ATP8B4: variants seen among roughly 807,000 people sequenced by gnomAD.
The protein encoded by ATP8B4 is probable phospholipid-transporting ATPase IM.
In ATP8B4, 133 loss-of-function variants were observed where a neutral mutation model predicts 145.6. The ratio of observed to expected loss-of-function variants is 0.91; its 90% CI spans 0.79 to 1.05. The LOEUF is 1.05. Ranked by LOEUF, ATP8B4 falls within the 50% of genes least tolerant of loss-of-function variation. ATP8B4 has a pLI of 0.00. For missense variants in ATP8B4, 1,458 were observed against 1,425.2 expected (o/e 1.02, Z -0.37); for synonymous variants, 507 against 492.9 (o/e 1.03, Z -0.38).
chr15:50,149,852 GA>G (rs1310550471), intron 1 of ATP8B4, among the ~76,000 whole-genome samples: 4 of 152,310 alleles, frequency 2.6e-5, no homozygotes, highest in Admixed American at 2.6e-4. Flanking sequence ...TGTAATCCCA[GA>G]ACTTTCAGAG....
chr15:50,021,126 AG>A (rs2049521993), intron 6 of ATP8B4, among the ~76,000 whole-genome samples: 1 of 119,804 alleles, frequency 8.3e-6, no homozygotes, highest in African/African-American at 3.3e-5. Flanking sequence ...TATGATAGAT[AG>A]ATAGATAGAT....
intron 13 of ATP8B4, among the ~76,000 whole-genome samples, chr15:49,966,463 G>A (rs1192839725): frequency 3.9e-5 from 6 of 152,196 alleles, no homozygotes; most frequent in African/African-American, 9.6e-5. Context: ...ACGGAGGCTT[G>A]AGTAGGCAGT....
intron 1 of ATP8B4, among the ~76,000 whole-genome samples, chr15:50,116,144 A>G (rs889485936): frequency 2.6e-5 from 4 of 152,206 alleles, no homozygotes; most frequent in Non-Finnish European, 5.9e-5. Flanking sequence ...TGGGCCAGAC[A>G]TGGTGGCTCA....
chr15:50,035,875 C>A (rs1339129644), intron 6 of ATP8B4, among the ~76,000 whole-genome samples: 1 of 152,126 alleles, frequency 6.6e-6, no homozygotes, highest in Non-Finnish European at 1.5e-5. Flanking sequence ...GTTTGAAGAC[C>A]CTAAGTCCAA....
At chr15:49,961,855 G>A in intron 14 of ATP8B4, 122 bp downstream of exon 14, 1 of 761,934 alleles carries the variant, frequency 1.3e-6, no homozygotes, top group South Asian at 2.0e-5. Flanking sequence ...ATTTTTTAAT[G>A]CTATGCATTA....
intron 7 of ATP8B4, among the ~76,000 whole-genome samples, chr15:50,010,440 T>A (rs952653549): frequency 6.6e-6 from 1 of 151,754 alleles, no homozygotes; most frequent in Non-Finnish European, 1.5e-5. Context: ...CTCTAGCTTA[T>A]TTTTTTTCAA....
chr15:50,167,014 G>C (rs1198987216), intron 1 of ATP8B4, among the ~76,000 whole-genome samples: 2 of 152,138 alleles, frequency 1.3e-5, no homozygotes, highest in African/African-American at 4.8e-5. Flanking sequence ...TTAATTCCCA[G>C]ATCACAATTT....
At chr15:50,118,720 T>C (rs539714262) in intron 1 of ATP8B4, among the ~76,000 whole-genome samples, 2 of 152,264 alleles carry the variant, frequency 1.3e-5, no homozygotes, top group South Asian at 2.1e-4. Context: ...AAAGCATAAA[T>C]TGACCATAAA....
At chr15:50,162,833 C>G (rs182946320) in intron 1 of ATP8B4, among the ~76,000 whole-genome samples, 1 of 152,228 alleles carries the variant, frequency 6.6e-6, no homozygotes, top group Admixed American at 6.5e-5. Context: ...CTTGTTTCCT[C>G]TGTGTATTTT....
chr15:49,860,639 C>T (rs1354187742), intron 27 of ATP8B4, among the ~76,000 whole-genome samples, 164 bp from the exon 28 acceptor site: 2 of 151,902 alleles, frequency 1.3e-5, no homozygotes, highest in African/African-American at 4.8e-5. Flanking sequence ...CAAAAGATAA[C>T]ACTGGGGGGG....
At chr15:50,101,169 G>T (rs963413539) in intron 2 of ATP8B4, among the ~76,000 whole-genome samples, 5 of 152,112 alleles carry the variant, frequency 3.3e-5, no homozygotes, top group African/African-American at 1.2e-4. Context: ...GAGATGTACT[G>T]GGGACTACTG....
At chr15:50,096,117 G>A (rs1235285999) in intron 2 of ATP8B4, among the ~76,000 whole-genome samples, 2 of 152,200 alleles carry the variant, frequency 1.3e-5, no homozygotes, top group African/African-American at 4.8e-5. Flanking sequence ...AGACAGAAAA[G>A]TGCAGAAGAC....
Position 49,934,049 on chromosome 15 carries a change from CAG to C in ATP8B4, c.1419_1420del (p.Cys474ProfsTer9), listed in dbSNP as rs1599246911. 6.2e-7 allele frequency: 1 copy of C among 1,612,276 alleles called. No homozygotes were observed. Among genetic ancestry groups the C allele is most frequent in the Non-Finnish European group, 8.5e-7 (1 of 1,178,948 alleles). On this transcript the variant is annotated frameshift_variant, in exon 15 of 28. Transcript: ENST00000284509. LOFTEE classifies it high-confidence loss of function. ...ATTCTCTTCTGACATTACAGTGTGG[CAG>C]AGAGCAAGTAACCTAAGGAATTCAT... is the stretch of plus-strand genomic sequence containing the variant.
chr15:49,983,849 T>C (rs1229633102), intron 10 of ATP8B4, among the ~76,000 whole-genome samples: 1 of 152,234 alleles, frequency 6.6e-6, no homozygotes, highest in African/African-American at 2.4e-5. Context: ...GCCTTCTTTT[T>C]TGACCTCACT....
chr15:49,923,606 A>C (rs2040455140), intron 16 of ATP8B4, 112 bp from the exon 17 acceptor site: 6 of 666,012 alleles, frequency 9.0e-6, no homozygotes, highest in Non-Finnish European at 1.5e-5. Context: ...TGTTTTAGCC[A>C]GTAGTAAGAC....
chr15:50,173,668 C>T (rs2044721661), intron 1 of ATP8B4, among the ~76,000 whole-genome samples: 1 of 151,928 alleles, frequency 6.6e-6, no homozygotes, highest in African/African-American at 2.4e-5. Context: ...CCAAATCCCC[C>T]TCTCCGAGAA....
intron 25 of ATP8B4, among the ~76,000 whole-genome samples, chr15:49,875,560 T>C (rs1166705998): frequency 6.6e-6 from 1 of 152,202 alleles, no homozygotes; most frequent in Non-Finnish European, 1.5e-5. Flanking sequence ...TCTAACTATG[T>C]GCGGTGATGC....
intron 7 of ATP8B4, among the ~76,000 whole-genome samples, chr15:50,003,019 A>G (rs553428188): frequency 6.6e-6 from 1 of 152,318 alleles, no homozygotes; most frequent in African/African-American, 2.4e-5. Context: ...GTGTTTTTAT[A>G]AAATTTTGAA....
At position 50,173,635 on chromosome 15, in the gene ATP8B4, T is replaced by A. The variant is rs574442553; in HGVS notation, c.-43+8626A>T. 1.3e-4 allele frequency among the ~76,000 whole-genome samples: 20 copies of A among 151,926 alleles called. No homozygotes were observed. In the East Asian group the frequency reaches 3.9e-3, roughly 29 times the overall value. On this transcript the variant is annotated intron_variant, in intron 1 of 3. Transcript: ENST00000558829. Reference sequence around the variant, plus strand: ...CACATGTTTATCTGCTGACCTTCCCTCCACTATTGTCCTATGACCCTGCCA... The same window carrying A: ...CACATGTTTATCTGCTGACCTTCCCACCACTATTGTCCTATGACCCTGCCA...
Sources: allele counts gnomAD v4.1 joint callset (sites outside exome capture counted in the v4.1 genomes callset), GRCh38; gene constraint gnomAD v4.1.1; transcripts MANE v1.5; gene names NCBI Gene and HGNC (gene_info 2026-07-23, HGNC 2026-07-21).